PAX5: variants seen among roughly 807,000 people sequenced by gnomAD.
The protein encoded by PAX5 is paired box protein Pax-5.
Under a neutral mutation model 43.7 loss-of-function variants are expected in PAX5, and 9 were observed. The observed-to-expected ratio is 0.21, with a 90% CI of 0.12 to 0.36. The LOEUF (loss-of-function observed/expected upper bound fraction) is 0.36. PAX5 is among the 10% of genes least tolerant of loss of function. The probability of loss-of-function intolerance (pLI) is 1.00; values close to 1 mark genes in which losing one functional copy is unlikely to be tolerated. For missense variants in PAX5, 383 were observed against 532.7 expected (o/e 0.72, Z 2.77); for synonymous variants, 228 against 214.3 (o/e 1.06, Z -0.56).
intron 6 of PAX5, among the ~76,000 whole-genome samples, chr9:36,948,460 G>A (rs1421537538): frequency 1.3e-5 from 2 of 152,112 alleles, no homozygotes; most frequent in Non-Finnish European, 2.9e-5. Flanking sequence ...GCACCAAAAA[G>A]GAAATATTAA....
At chr9:36,989,130 C>T (rs1836716012) in intron 5 of PAX5, among the ~76,000 whole-genome samples, 1 of 152,186 alleles carries the variant, frequency 6.6e-6, no homozygotes, top group African/African-American at 2.4e-5. Flanking sequence ...TCAGAAATGG[C>T]GTACCCCTGA....
At chr9:36,845,928 C>T (rs1822530336) in intron 9 of PAX5, among the ~76,000 whole-genome samples, 1 of 152,182 alleles carries the variant, frequency 6.6e-6, no homozygotes, top group Admixed American at 6.5e-5. Flanking sequence ...TGGGTGGTCT[C>T]AGAGGGCCCT....
chr9:36,924,002 G>A (rs1399246595), intron 6 of PAX5, among the ~76,000 whole-genome samples: 1 of 152,208 alleles, frequency 6.6e-6, no homozygotes, highest in African/African-American at 2.4e-5. Context: ...TGAGGCTCAA[G>A]GGGAGGAGGG....
At position 36,959,285 on chromosome 9, in the gene PAX5, C is replaced by G. The variant is rs7868172; in HGVS notation, c.780+7264G>C. Among the ~76,000 whole-genome samples, 1,139 of 152,336 alleles carry G rather than the reference C, an allele frequency of 7.5e-3. 13 individuals are homozygous for G. The highest frequency in any genetic ancestry group is 0.027 in the African/African-American group (1,117 of 41,574). ...CTGGATTCTTAAACTTCTAAAACCA[C>G]ATGTATGAAAATGGATAGATTCTAC... On this transcript the variant is annotated intron_variant, in intron 6 of 9. Transcript: ENST00000358127.
intron 6 of PAX5, among the ~76,000 whole-genome samples, chr9:36,961,970 G>A (rs192705534): frequency 1.2e-4 from 18 of 152,314 alleles, no homozygotes; most frequent in South Asian, 2.1e-4. Flanking sequence ...TTGCCCAGGC[G>A]TGGTCAACAT....
intron 6 of PAX5, among the ~76,000 whole-genome samples, chr9:36,955,911 C>T (rs12350117): frequency 0.1 from 15,902 of 151,652 alleles, 1,074 homozygotes; most frequent in African/African-American, 0.19. Flanking sequence ...CAGAAATCTA[C>T]GTTCTTTTTT....
In PAX5 at chr9:36,942,444, C is replaced by T. The variant is rs912352205; in HGVS notation, c.781-18960G>A. On this transcript the variant is annotated intron_variant, in intron 6 of 9. Coordinates refer to ENST00000358127, the MANE Select transcript of PAX5 (RefSeq NM_016734.3). ...TGCCTTCATATCACAGAAGCGTTCA[C>T]AGTGATCAAACAAGGCCACAGATGT... Among the ~76,000 whole-genome samples the T allele has an allele frequency of 4.6e-5, 7 of 152,356 alleles. No homozygotes were observed. In the South Asian group the frequency reaches 1.4e-3, roughly 32 times the overall value.
At chr9:36,893,093 T>C (rs1827541987) in intron 7 of PAX5, among the ~76,000 whole-genome samples, 1 of 152,240 alleles carries the variant, frequency 6.6e-6, no homozygotes, top group Non-Finnish European at 1.5e-5. Context: ...TATTACTTTT[T>C]ATTCCAAATT....
intron 1 of PAX5, among the ~76,000 whole-genome samples, chr9:37,022,796 C>T (rs1564087215): frequency 6.6e-6 from 1 of 152,208 alleles, no homozygotes; most frequent in Non-Finnish European, 1.5e-5. Flanking sequence ...ACCACATAGG[C>T]TGAGATAGTA....
intron 8 of PAX5, among the ~76,000 whole-genome samples, chr9:36,859,184 C>T (rs1823952787): frequency 6.6e-6 from 1 of 152,136 alleles, no homozygotes; most frequent in South Asian, 2.1e-4. Flanking sequence ...AGGCCTGGGG[C>T]TGGAAGAGGC....
chr9:36,867,914 G>A (rs1163615561), intron 8 of PAX5, among the ~76,000 whole-genome samples: 6 of 152,122 alleles, frequency 3.9e-5, no homozygotes, highest in South Asian at 2.1e-4. Flanking sequence ...TGGGCTTCGC[G>A]GGTCCCATTA....
At chr9:36,989,346 T>C (rs967020978) in intron 5 of PAX5, among the ~76,000 whole-genome samples, 1 of 149,462 alleles carries the variant, frequency 6.7e-6, no homozygotes, top group Admixed American at 6.8e-5. Context: ...AGTAAGCACC[T>C]AGGTACTAGT....
intron 8 of PAX5, among the ~76,000 whole-genome samples, chr9:36,868,178 G>A (rs1284773221): frequency 6.6e-6 from 1 of 152,252 alleles, no homozygotes. Context: ...AAGAAGGACT[G>A]GGGGCGTGCC....
chr9:36,865,542 G>C (rs936249957), intron 8 of PAX5, among the ~76,000 whole-genome samples: 9 of 152,204 alleles, frequency 5.9e-5, no homozygotes, highest in Non-Finnish European at 1.2e-4. Flanking sequence ...AGAGAGGAGG[G>C]AAGGCAGCGG....
intron 7 of PAX5, among the ~76,000 whole-genome samples, chr9:36,898,735 C>T (rs1254850783): frequency 5.3e-5 from 8 of 152,172 alleles, no homozygotes; most frequent in Middle Eastern, 3.2e-3. Flanking sequence ...TTGCAGCTCC[C>T]GGCTCTCCTC....
At chr9:36,924,295 G>A (rs187924444) in intron 6 of PAX5, among the ~76,000 whole-genome samples, 1 of 152,314 alleles carries the variant, frequency 6.6e-6, no homozygotes, top group Admixed American at 6.5e-5. Flanking sequence ...CCAAGCCACT[G>A]TCAGAATGGT....
intron 2 of PAX5, among the ~76,000 whole-genome samples, chr9:37,018,909 T>C (rs978856271): frequency 6.6e-6 from 1 of 152,124 alleles, no homozygotes; most frequent in Non-Finnish European, 1.5e-5. Context: ...GAGGACCACA[T>C]GTTTGGATGT....
chr9:36,982,377 T>C (rs1275665040), intron 5 of PAX5, among the ~76,000 whole-genome samples: 1 of 152,250 alleles, frequency 6.6e-6, no homozygotes, highest in Non-Finnish European at 1.5e-5. Context: ...ATTGATCTGT[T>C]GCTGGTGCTC....
chr9:37,014,914 C>G, intron 3 of PAX5, 83 bp downstream of exon 3: 1 of 1,296,140 alleles, frequency 7.7e-7, no homozygotes, highest in Non-Finnish European at 1.1e-6. Flanking sequence ...GAGACCAGAT[C>G]TTCAGGAAAG....
Sources: gnomAD v4.1 joint callset for allele counts (sites outside exome capture counted in the v4.1 genomes callset) on GRCh38, gnomAD v4.1.1 for gene constraint, MANE v1.5 for transcripts, NCBI Gene and HGNC (gene_info 2026-07-23, HGNC 2026-07-21) for gene names.